The following IFT74 variants were observed in gnomAD, a reference collection of about 807,000 sequenced individuals.
IFT74 encodes the protein intraflagellar transport protein 74 homolog.
A neutral mutation model predicts 96.7 loss-of-function variants in IFT74; 92 were observed. The observed-to-expected ratio is 0.95, with a 90% CI of 0.80 to 1.13. The LOEUF (loss-of-function observed/expected upper bound fraction) is 1.13, where lower values mean the gene tolerates loss of function less well. Ranked by LOEUF, IFT74 falls within the 50% of genes most tolerant of loss-of-function variation. IFT74 has a pLI of 0.00. For missense variants in IFT74, 811 were observed against 698.2 expected, an observed-to-expected ratio of 1.16 and a Z score of -1.82; for synonymous variants, 223 against 213.2, an observed-to-expected ratio of 1.05 and a Z score of -0.40.
chr9:27,029,299 A>C (rs996147445), intron 13 of IFT74, among the ~76,000 whole-genome samples, 195 bp downstream of exon 13: 1 of 152,198 alleles, frequency 6.6e-6, no homozygotes, highest in Non-Finnish European at 1.5e-5. Flanking sequence ...CTTATGAGTT[A>C]AAATGATTGC....
At chr9:27,020,638 C>G (rs1295324652) in intron 12 of IFT74, among the ~76,000 whole-genome samples, 1 of 151,920 alleles carries the variant, frequency 6.6e-6, no homozygotes, top group African/African-American at 2.4e-5. Flanking sequence ...CTGCGCCTGG[C>G]TAATTTTTTG....
At position 27,016,980 on chromosome 9, in the gene IFT74, G is replaced by T. The variant is rs761276999; in HGVS notation, c.863G>T (p.Arg288Leu). 2 of 1,611,162 alleles carry T rather than the reference G, an allele frequency of 1.2e-6. No homozygotes were observed. Among genetic ancestry groups the T allele is most frequent in the Non-Finnish European group, 8.5e-7 (1 of 1,178,476 alleles). The change falls in exon 11 of 20, where the codon CGA (arginine) becomes CTA (leucine). Residue 288 changes from arginine (R) to leucine (L), a missense_variant. By Grantham distance (102) the Arg-to-Leu change is moderately radical. Transcript: ENST00000380062. Reference protein sequence around the residue: ...HEKLYELESHRDQMIAEDKSI... With the variant: ...HEKLYELESHLDQMIAEDKSI... The stretch of plus-strand genomic sequence containing the variant: ...AAACTTTATGAGTTGGAGTCCCATC[G>T]AGATCAAATGATTGCAGAAGACAAA...
intron 8 of IFT74, chr9:26,998,159 C>G (rs750620039): frequency 6.2e-6 from 10 of 1,603,646 alleles, no homozygotes; most frequent in Non-Finnish European, 8.5e-6. Flanking sequence ...TTGGTTATAA[C>G]TGAGATCAAG....
chr9:27,043,959 A>G (rs941779041), intron 13 of IFT74, among the ~76,000 whole-genome samples: 1 of 152,198 alleles, frequency 6.6e-6, no homozygotes, highest in African/African-American at 2.4e-5. Flanking sequence ...TCAAAATTGC[A>G]AACGGATTAT....
intron 11 of IFT74, among the ~76,000 whole-genome samples, chr9:27,018,078 G>A (rs1057003893): frequency 6.6e-6 from 1 of 152,034 alleles, no homozygotes; most frequent in Non-Finnish European, 1.5e-5. Flanking sequence ...ATTGAAAGAT[G>A]GGGAGGAGTG....
At position 27,064,467 on chromosome 9, in the gene IFT74, G is replaced by T. The variant is rs909192277; in HGVS notation, c.*1731G>T. Among the ~76,000 whole-genome samples, 1 of 152,158 alleles carries T rather than the reference G, an allele frequency of 6.6e-6. No homozygotes were observed. Among genetic ancestry groups the T allele is most frequent in the South Asian group, 2.1e-4 (1 of 4,826 alleles). The stretch of plus-strand genomic sequence containing the variant: ...TTTTGATGACAGTTTGCAGCCCTTC[G>T]TTCATTCATAAAGTATTACTGTAAT... On this transcript the variant is annotated 3_prime_UTR_variant, in exon 20 of 20. Coordinates refer to ENST00000380062, the MANE Select transcript of IFT74 (RefSeq NM_025103.4).
Position 27,029,083 on chromosome 9 carries a change from A to T in IFT74, c.1033A>T (p.Met345Leu), listed in dbSNP as rs370456819. 1.2e-6 allele frequency: 2 copies of T among 1,602,600 alleles called. No homozygotes were observed. The highest frequency in any genetic ancestry group is 8.5e-7 in the Non-Finnish European group (1 of 1,173,964). ...QFIEEIRQLD[M>L]DLEEHQGEMN... ...TATTGAAGAAATTAGACAACTTGAC[A>T]TGGATTTAGAGGAACACCAAGGTAT... The change falls in exon 13 of 20, where the codon ATG (methionine) becomes TTG (leucine). Residue 345 changes from methionine (M) to leucine (L), a missense_variant. Physicochemically the swap from Met to Leu is conservative, Grantham distance 15. Transcript: ENST00000380062.
intron 9 of IFT74, 130 bp from the exon 10 acceptor site, chr9:27,011,776 A>T (rs1587350795): frequency 4.5e-6 from 2 of 446,586 alleles, no homozygotes; most frequent in Non-Finnish European, 7.9e-6. Context: ...ATATTTAGAA[A>T]ATTTACTTAG....
At chr9:27,047,811 A>G (rs1819757849) in intron 15 of IFT74, among the ~76,000 whole-genome samples, 1 of 152,212 alleles carries the variant, frequency 6.6e-6, no homozygotes, top group African/African-American at 2.4e-5. Context: ...TTATCAAAAA[A>G]TGTTTATTGG....
intron 16 of IFT74, among the ~76,000 whole-genome samples, chr9:27,050,161 G>A (rs145664436): frequency 5.5e-4 from 83 of 152,222 alleles, no homozygotes; most frequent in African/African-American, 1.8e-3. Context: ...GGGCTCAGGT[G>A]ATTCTCTCAC....
chr9:27,034,035 C>T (rs973875718), intron 13 of IFT74, among the ~76,000 whole-genome samples: 2 of 152,096 alleles, frequency 1.3e-5, no homozygotes, highest in Admixed American at 6.6e-5. Flanking sequence ...TTCTGAGCAT[C>T]TATTAATATA....
intron 2 of IFT74, among the ~76,000 whole-genome samples, chr9:26,975,863 C>T (rs560191557): frequency 3.3e-5 from 5 of 152,324 alleles, no homozygotes; most frequent in South Asian, 2.1e-4. Context: ...ATCCTTCTTT[C>T]GCTTTTTCCA....
intron 16 of IFT74, among the ~76,000 whole-genome samples, 161 bp downstream of exon 16, chr9:27,048,435 GTATA>G (rs1819788096): frequency 6.6e-6 from 1 of 152,024 alleles, no homozygotes; most frequent in Non-Finnish European, 1.5e-5. Context: ...GTATTATGTT[GTATA>G]TTGTCACTGA....
At position 27,044,842 on chromosome 9, in the gene IFT74, C is replaced by T. The variant is rs753466449; in HGVS notation, c.1108+47C>T. ...ATAAAAATATAATATTTTCAGATTG[C>T]TGTTCATTTATACCAAATCAGAGAC... On this transcript the variant is annotated intron_variant, in intron 14 of 19. Coordinates refer to ENST00000380062, the MANE Select transcript of IFT74 (RefSeq NM_025103.4). The T allele has an allele frequency of 8.8e-6, 10 of 1,139,092 alleles. No individual in the cohort carries two copies. The South Asian group carries it at 1.6e-4, about 18-fold the overall frequency. The allele number at this position is 1,139,092 out of a possible 1,614,324, so 70.6% of individuals were successfully genotyped here. A position where few individuals can be genotyped will look rare whatever the true frequency, so the allele number is the denominator to read the frequency against.
chr9:26,995,531 T>A (rs927893385), intron 8 of IFT74: 4 of 1,540,452 alleles, frequency 2.6e-6, no homozygotes, highest in Non-Finnish European at 3.5e-6. Context: ...TTAATTTTCT[T>A]CACATAATTC....
intron 13 of IFT74, among the ~76,000 whole-genome samples, chr9:27,034,087 G>A (rs1052547848): frequency 2.0e-5 from 3 of 151,956 alleles, no homozygotes; most frequent in Admixed American, 6.6e-5. Flanking sequence ...AATGTTGTAC[G>A]GTCACTGTCA....
At chr9:26,994,536 CAAAAAAAAAAAA>C (rs1170964624) in intron 8 of IFT74, 4 of 58,322 alleles carry the variant, frequency 6.9e-5, no homozygotes, top group East Asian at 1.2e-3. Context: ...GACTTTGTCT[CAAAAAAAAAAAA>C]AAAAAAAAGA....
intron 16 of IFT74, among the ~76,000 whole-genome samples, chr9:27,052,562 G>A (rs1290943532): frequency 6.8e-6 from 1 of 148,056 alleles, no homozygotes; most frequent in Non-Finnish European, 1.5e-5. Flanking sequence ...GAGATGTACA[G>A]TTTGAAAAAA....
chr9:26,966,046 A>G (rs1440380041), intron 2 of IFT74, among the ~76,000 whole-genome samples: 1 of 151,918 alleles, frequency 6.6e-6, no homozygotes, highest in Non-Finnish European at 1.5e-5. Context: ...ATGTATATAC[A>G]TGTATACCAC....
Sources: gnomAD v4.1 joint callset for allele counts (sites outside exome capture counted in the v4.1 genomes callset) on GRCh38, gnomAD v4.1.1 for gene constraint, MANE v1.5 for transcripts, NCBI Gene and HGNC (gene_info 2026-07-23, HGNC 2026-07-21) for gene names.